Variants in ZFHX3 observed in about 807,000 individuals in gnomAD.
The protein encoded by ZFHX3 is zinc finger homeobox 3.
In ZFHX3, 42 loss-of-function variants were observed where a neutral mutation model predicts 279.1. That is an observed-to-expected ratio of 0.15 (90% CI 0.12 to 0.19). The LOEUF (loss-of-function observed/expected upper bound fraction) is 0.19. Ranked by LOEUF, ZFHX3 falls within the 10% of genes least tolerant of loss-of-function variation. The pLI, the probability that ZFHX3 is intolerant of heterozygous loss-of-function variation, is 1.00. For missense variants in ZFHX3, 4,981 were observed against 4,754.0 expected (o/e 1.05, Z -1.40); for synonymous variants, 2,293 against 1,957.8 (o/e 1.17, Z -4.52).
At chr16:73,692,735 G>C (rs1467069057) in intron 1 of ZFHX3, among the ~76,000 whole-genome samples, 1 of 152,148 alleles carries the variant, frequency 6.6e-6, no homozygotes, top group Non-Finnish European at 1.5e-5. Context: ...AATTAAAGTA[G>C]GTATTTTTGT....
At chr16:73,646,000 T>C (rs545893223) in intron 2 of ZFHX3, among the ~76,000 whole-genome samples, 3 of 152,318 alleles carry the variant, frequency 2.0e-5, no homozygotes, top group African/African-American at 7.2e-5. Flanking sequence ...GCTTTGCTGA[T>C]GACAGTCTGA....
chr16:73,112,467 C>G (rs999414626), intron 7 of ZFHX3, among the ~76,000 whole-genome samples: 1 of 152,040 alleles, frequency 6.6e-6, no homozygotes, highest in Non-Finnish European at 1.5e-5. Flanking sequence ...AATCCCAGCA[C>G]TTTGGGAGGC....
At chr16:73,241,829 C>T (rs2013133632) in intron 5 of ZFHX3, among the ~76,000 whole-genome samples, 2 of 145,474 alleles carry the variant, frequency 1.4e-5, no homozygotes, top group South Asian at 4.5e-4. Context: ...GTGTTGGGCA[C>T]TTCTTACTAC....
chr16:73,687,303 G>C (rs987382928), intron 1 of ZFHX3, among the ~76,000 whole-genome samples: 1 of 150,638 alleles, frequency 6.6e-6, no homozygotes, highest in Non-Finnish European at 1.5e-5. Context: ...TAGGTGGAAG[G>C]ATCACTTGAG....
At chr16:73,723,452 C>T (rs1323666166) in intron 1 of ZFHX3, among the ~76,000 whole-genome samples, 1 of 151,940 alleles carries the variant, frequency 6.6e-6, no homozygotes, top group Non-Finnish European at 1.5e-5. Flanking sequence ...AAAACGTGTT[C>T]TTGAAGATTA....
intron 4 of ZFHX3, among the ~76,000 whole-genome samples, chr16:72,884,398 G>C (rs139643148): frequency 6.6e-6 from 1 of 152,218 alleles, no homozygotes; most frequent in Non-Finnish European, 1.5e-5. Flanking sequence ...TGTAAACTGA[G>C]TCCGGGTCCA....
chr16:72,942,870 T>C (rs903624638), intron 3 of ZFHX3, among the ~76,000 whole-genome samples: 1 of 152,196 alleles, frequency 6.6e-6, no homozygotes, highest in Non-Finnish European at 1.5e-5. Flanking sequence ...GGCAAACTAA[T>C]CTAAGAAATT....
Position 73,057,656 on chromosome 16 carries a change from G to C in ZFHX3, c.-24+874C>G, listed in dbSNP as rs1476973777. Among the ~76,000 whole-genome samples, 4 of 151,800 alleles carry C rather than the reference G, an allele frequency of 2.6e-5. No homozygotes were observed. The East Asian group carries it at 7.7e-4, about 29-fold the overall frequency. On this transcript the variant is annotated intron_variant, in intron 1 of 8. Coordinates refer to the ZFHX3 transcript ENST00000397992. Reference sequence around the variant, plus strand: ...CGGGCGAGGTCTGGCCCTGGCCAGCGGCGCAGCCCCGAGCCCCCGGGAGCC... The same window carrying C: ...CGGGCGAGGTCTGGCCCTGGCCAGCCGCGCAGCCCCGAGCCCCCGGGAGCC...
intron 4 of ZFHX3, among the ~76,000 whole-genome samples, chr16:72,857,587 A>C (rs2037784198): frequency 1.3e-5 from 2 of 152,212 alleles, no homozygotes; most frequent in Admixed American, 6.5e-5. Context: ...ATGAAGGCTG[A>C]GATGGGAGGA....
intron 1 of ZFHX3, among the ~76,000 whole-genome samples, chr16:73,836,455 A>G (rs1219225457): frequency 6.6e-6 from 1 of 152,218 alleles, no homozygotes; most frequent in African/African-American, 2.4e-5. Flanking sequence ...AAAATGGGAT[A>G]GATTCAGGAC....
chr16:73,022,542 T>G (rs535745577), intron 1 of ZFHX3, among the ~76,000 whole-genome samples: 1 of 152,236 alleles, frequency 6.6e-6, no homozygotes, highest in African/African-American at 2.4e-5. Context: ...TGGATGCCAG[T>G]AGCATCCTCT....
chr16:73,127,537 G>A (rs1163987174), intron 7 of ZFHX3: 2 of 1,305,494 alleles, frequency 1.5e-6, no homozygotes, highest in Non-Finnish European at 2.0e-6. Flanking sequence ...ATGCAGAGAT[G>A]GGAGGCTTTG....
chr16:73,116,185 C>T (rs185436452), intron 7 of ZFHX3, among the ~76,000 whole-genome samples: 7 of 152,112 alleles, frequency 4.6e-5, no homozygotes, highest in Middle Eastern at 3.5e-3. Context: ...AGTGCTTATG[C>T]CCTTTGGGTC....
intron 5 of ZFHX3, among the ~76,000 whole-genome samples, chr16:73,227,032 G>A (rs996433369): frequency 2.0e-5 from 3 of 152,188 alleles, no homozygotes; most frequent in African/African-American, 7.2e-5. Flanking sequence ...ATTACAGAAT[G>A]ATTCGTGAGT....
At chr16:73,315,542 CCAAA>C (rs2015426179) in intron 4 of ZFHX3, among the ~76,000 whole-genome samples, 1 of 151,960 alleles carries the variant, frequency 6.6e-6, no homozygotes, top group South Asian at 2.1e-4. Flanking sequence ...CACATAATTT[CCAAA>C]CAAAAAGACA....
intron 2 of ZFHX3, among the ~76,000 whole-genome samples, chr16:73,654,924 G>C (rs2052708853): frequency 7.2e-6 from 1 of 138,418 alleles, no homozygotes; most frequent in Admixed American, 7.8e-5. Context: ...GCAGTGGAGT[G>C]ATCTCTGCTC....
chr16:73,644,155 C>T (rs2052597586), intron 2 of ZFHX3, among the ~76,000 whole-genome samples: 1 of 151,908 alleles, frequency 6.6e-6, no homozygotes, highest in Non-Finnish European at 1.5e-5. Context: ...TGATTTAATC[C>T]CTTTCTCTCC....
At chr16:73,105,914 C>G (rs945411443) in intron 7 of ZFHX3, among the ~76,000 whole-genome samples, 6 of 149,090 alleles carry the variant, frequency 4.0e-5, no homozygotes, top group African/African-American at 1.5e-4. Context: ...TCTCCCACTC[C>G]CTATATGTAC....
At chr16:73,303,020 A>G (rs1424665631) in intron 4 of ZFHX3, among the ~76,000 whole-genome samples, 4 of 146,526 alleles carry the variant, frequency 2.7e-5, no homozygotes, top group African/African-American at 9.9e-5. Flanking sequence ...GAAACAGCAA[A>G]GAGCAATGGA....
Sources: allele counts gnomAD v4.1 joint callset (sites outside exome capture counted in the v4.1 genomes callset), GRCh38; gene constraint gnomAD v4.1.1; transcripts MANE v1.5; gene names NCBI Gene and HGNC (gene_info 2026-07-23, HGNC 2026-07-21).